Variants in TMEM117 observed in about 807,000 individuals in gnomAD.
The protein encoded by TMEM117 is transmembrane protein 117.
Under a neutral mutation model 52.4 loss-of-function variants are expected in TMEM117, and 27 were observed. That is an observed-to-expected ratio of 0.51 (90% CI 0.38 to 0.71). TMEM117 has a LOEUF of 0.71. Ranked by LOEUF, TMEM117 falls within the 30% of genes least tolerant of loss-of-function variation. TMEM117 has a pLI of 0.00. For synonymous variants in TMEM117, 215 were observed against 206.3 expected (o/e 1.04, Z -0.36); for missense variants, 556 against 630.5 (o/e 0.88, Z 1.26).
chr12:44,392,211 C>A (rs1952164630), downstream of TMEM117, among the ~76,000 whole-genome samples: 1 of 152,104 alleles, frequency 6.6e-6, no homozygotes, highest in Non-Finnish European at 1.5e-5. Flanking sequence ...TCACAAGTCA[C>A]TCTTGTTGAA....
At chr12:44,054,863 G>A (rs572879613) in intron 3 of TMEM117, among the ~76,000 whole-genome samples, 1 of 151,754 alleles carries the variant, frequency 6.6e-6, no homozygotes, top group South Asian at 2.1e-4. Flanking sequence ...TTTACATTAG[G>A]TATGTCTCCT....
At chr12:43,963,065 A>G (rs1945429996) in intron 3 of TMEM117, among the ~76,000 whole-genome samples, 1 of 151,840 alleles carries the variant, frequency 6.6e-6, no homozygotes, top group Admixed American at 6.6e-5. Flanking sequence ...AGCAAAAAAC[A>G]ATTGGTTTTT....
At chr12:44,357,737 C>T (rs1951670408) in intron 6 of TMEM117, among the ~76,000 whole-genome samples, 2 of 152,082 alleles carry the variant, frequency 1.3e-5, no homozygotes. Context: ...CAAATGAATC[C>T]AGCCCCTGTG....
intron 2 of TMEM117, among the ~76,000 whole-genome samples, chr12:43,853,516 C>T (rs146242180): frequency 2.4e-3 from 362 of 152,300 alleles, no homozygotes; most frequent in Admixed American, 7.1e-3. Flanking sequence ...CCTTGTGATC[C>T]ACCTTGCCTC....
intron 3 of TMEM117, among the ~76,000 whole-genome samples, chr12:44,140,390 A>G (rs908309368): frequency 1.3e-5 from 2 of 152,180 alleles, no homozygotes; most frequent in African/African-American, 2.4e-5. Context: ...ATAAATAAAT[A>G]TGAATGATTT....
chr12:43,898,833 C>T (rs909678947), intron 2 of TMEM117, among the ~76,000 whole-genome samples: 1 of 152,060 alleles, frequency 6.6e-6, no homozygotes, highest in African/African-American at 2.4e-5. Flanking sequence ...GAAGATCTAC[C>T]GAAAGTAGGA....
chr12:44,210,111 A>G (rs1357618160), intron 4 of TMEM117, among the ~76,000 whole-genome samples: 1 of 152,130 alleles, frequency 6.6e-6, no homozygotes, highest in Non-Finnish European at 1.5e-5. Flanking sequence ...CTCTTACTCA[A>G]TGCAGTAAAC....
At chr12:43,844,021 ATTG>A (rs1463833661) in intron 1 of TMEM117, among the ~76,000 whole-genome samples, 1 of 152,206 alleles carries the variant, frequency 6.6e-6, no homozygotes, top group African/African-American at 2.4e-5. Context: ...TTACCTCTAT[ATTG>A]TTTTGATTTT....
At chr12:44,194,003 T>C (rs927705993) in intron 4 of TMEM117, among the ~76,000 whole-genome samples, 2 of 152,198 alleles carry the variant, frequency 1.3e-5, no homozygotes, top group East Asian at 3.8e-4. Flanking sequence ...AGATTTTAAT[T>C]ATTAGAATTA....
intron 3 of TMEM117, among the ~76,000 whole-genome samples, chr12:44,142,259 T>A (rs1218714542): frequency 1.3e-5 from 2 of 152,198 alleles, no homozygotes; most frequent in Non-Finnish European, 2.9e-5. Context: ...TAGCTATAAA[T>A]TTTGGGCTAC....
intron 6 of TMEM117, among the ~76,000 whole-genome samples, chr12:44,342,716 CTTA>C (rs1425775386): frequency 6.6e-6 from 1 of 150,604 alleles, no homozygotes; most frequent in East Asian, 1.9e-4. Context: ...AAATTATTGT[CTTA>C]TTATCATGAG....
chr12:44,393,666 G>C (rs760343336), downstream of TMEM117, among the ~76,000 whole-genome samples: 21 of 152,222 alleles, frequency 1.4e-4, no homozygotes, highest in Non-Finnish European at 2.2e-4. Context: ...TCTTTGGTAA[G>C]GATAACCTGG....
chr12:44,100,827 G>A (rs1207291672), intron 3 of TMEM117, among the ~76,000 whole-genome samples: 1 of 151,770 alleles, frequency 6.6e-6, no homozygotes, highest in Admixed American at 6.6e-5. Context: ...CACCAGCTCT[G>A]GAGTGTCTTT....
At chr12:44,066,416 G>A (rs1439452895) in intron 3 of TMEM117, among the ~76,000 whole-genome samples, 1 of 152,262 alleles carries the variant, frequency 6.6e-6, no homozygotes, top group East Asian at 1.9e-4. Flanking sequence ...AATGTTTTGG[G>A]TTACCTGTGT....
intron 2 of TMEM117, among the ~76,000 whole-genome samples, chr12:43,941,632 C>G (rs534494303): frequency 6.6e-6 from 1 of 152,230 alleles, no homozygotes; most frequent in South Asian, 2.1e-4. Context: ...ACAGAGTTAA[C>G]CTTTAAGTAG....
intron 6 of TMEM117, among the ~76,000 whole-genome samples, chr12:44,338,602 T>TA (rs1042947575): frequency 6.6e-6 from 1 of 151,472 alleles, no homozygotes; most frequent in Admixed American, 6.6e-5. Context: ...ATCCAAGGAT[T>TA]AAAAAAAAAT....
rs183463603 is a variant in TMEM117 at position 44,285,915 on chromosome 12, A to G, written c.609-13665A>G. On this transcript the variant is annotated intron_variant, in intron 5 of 7. Transcript: ENST00000266534. The stretch of plus-strand genomic sequence containing the variant: ...TTGCCTGTTTATTTTTTTCTCATGA[A>G]CAACATGGTTAGAAATTATGACATT... Among the ~76,000 whole-genome samples the G allele has an allele frequency of 2.3e-4, 35 of 152,330 alleles. No homozygotes were observed. The East Asian group carries it at 6.5e-3, about 29-fold the overall frequency.
At chr12:44,244,937 A>T (rs1950110344) in intron 5 of TMEM117, among the ~76,000 whole-genome samples, 2 of 152,020 alleles carry the variant, frequency 1.3e-5, no homozygotes, top group Non-Finnish European at 2.9e-5. Flanking sequence ...AGCACCACTT[A>T]TGAAGATACT....
intron 3 of TMEM117, among the ~76,000 whole-genome samples, chr12:44,129,522 A>G (rs1406938603): frequency 1.3e-5 from 2 of 152,140 alleles, no homozygotes; most frequent in African/African-American, 2.4e-5. Context: ...CCAGAGAACT[A>G]CCGGGAAATT....
Sources: allele counts gnomAD v4.1 joint callset (sites outside exome capture counted in the v4.1 genomes callset), GRCh38; gene constraint gnomAD v4.1.1; transcripts MANE v1.5; gene names NCBI Gene and HGNC (gene_info 2026-07-23, HGNC 2026-07-21).